KCTD8: variants seen among roughly 807,000 people sequenced by gnomAD.
KCTD8 encodes the protein potassium channel tetramerization domain containing 8.
KCTD8 carries 27 observed loss-of-function variants against 31.5 expected under a neutral mutation model. The observed-to-expected ratio is 0.86, with a 90% CI of 0.63 to 1.18. KCTD8 has a LOEUF of 1.18. Among genes scored for constraint, KCTD8 ranks in the 50% most tolerant of loss-of-function variants. The pLI, the probability that KCTD8 is intolerant of heterozygous loss-of-function variation, is 0.00. For synonymous variants in KCTD8, 290 were observed against 280.0 expected (o/e 1.04, Z -0.36); for missense variants, 658 against 647.7 (o/e 1.02, Z -0.17).
intron 1 of KCTD8, among the ~76,000 whole-genome samples, chr4:44,311,517 T>G (rs1009905331): frequency 6.6e-6 from 1 of 152,048 alleles, no homozygotes; most frequent in Non-Finnish European, 1.5e-5. Context: ...ATTCAAGTCA[T>G]CAGCAGATGC....
At chr4:44,209,643 C>T (rs898059551) in intron 1 of KCTD8, among the ~76,000 whole-genome samples, 1 of 151,976 alleles carries the variant, frequency 6.6e-6, no homozygotes, top group African/African-American at 2.4e-5. Context: ...ATTCATTGAG[C>T]TTGTTCTACT....
chr4:44,208,847 T>C (rs2109342579), intron 1 of KCTD8, among the ~76,000 whole-genome samples: 1 of 152,260 alleles, frequency 6.6e-6, no homozygotes, highest in East Asian at 1.9e-4. Context: ...GCAATGCTTG[T>C]TGGCTCTGAC....
intron 1 of KCTD8, among the ~76,000 whole-genome samples, chr4:44,346,113 C>G (rs1311842179): frequency 6.6e-6 from 1 of 152,160 alleles, no homozygotes; most frequent in Non-Finnish European, 1.5e-5. Flanking sequence ...AATAGCTGAT[C>G]AGACTTAGAG....
intron 1 of KCTD8, among the ~76,000 whole-genome samples, chr4:44,376,927 G>A (rs1232046688): frequency 6.6e-6 from 1 of 152,152 alleles, no homozygotes; most frequent in Non-Finnish European, 1.5e-5. Context: ...CACTGGGTTG[G>A]TTGAGTACAT....
intron 1 of KCTD8, among the ~76,000 whole-genome samples, chr4:44,404,971 A>G (rs1359881049): frequency 6.6e-6 from 1 of 152,126 alleles, no homozygotes; most frequent in African/African-American, 2.4e-5. Flanking sequence ...GTTTCTTTGG[A>G]CAAAGCTACT....
chr4:44,269,320 G>A (rs1387728398), intron 1 of KCTD8, among the ~76,000 whole-genome samples: 1 of 152,090 alleles, frequency 6.6e-6, no homozygotes, highest in Non-Finnish European at 1.5e-5. Flanking sequence ...ATGGTGCTGG[G>A]AAAACTGGCT....
chr4:44,262,328 T>G (rs185949121), intron 1 of KCTD8, among the ~76,000 whole-genome samples: 271 of 152,078 alleles, frequency 1.8e-3, no homozygotes, highest in Non-Finnish European at 3.1e-3. Flanking sequence ...GGACCCATTG[T>G]GAGAGAGATA....
chr4:44,312,783 AGTTT>A (rs931214663), intron 1 of KCTD8, among the ~76,000 whole-genome samples: 15 of 152,240 alleles, frequency 9.9e-5, no homozygotes, highest in Admixed American at 3.3e-4. Context: ...TGGGAAAACA[AGTTT>A]GTTTGATGAT....
In KCTD8 at chr4:44,283,294, C is replaced by T. The variant is rs553764930; in HGVS notation, c.962-108044G>A. 1.4e-3 allele frequency among the ~76,000 whole-genome samples: 206 copies of T among 151,990 alleles called. 1 individual carries two copies. Among genetic ancestry groups the T allele is most frequent in the Non-Finnish European group, 2.5e-3 (173 of 68,002 alleles). On this transcript the variant is annotated intron_variant, in intron 1 of 1. Coordinates refer to ENST00000360029, the MANE Select transcript of KCTD8 (RefSeq NM_198353.3). Reference sequence around the variant, plus strand: ...CAAACTCCTGACCTCAGGTGATCTGCCCACTGTGGCCTCCCAAAGTGCTTG... The same window carrying T: ...CAAACTCCTGACCTCAGGTGATCTGTCCACTGTGGCCTCCCAAAGTGCTTG...
At chr4:44,298,603 G>A (rs1340629251) in intron 1 of KCTD8, among the ~76,000 whole-genome samples, 1 of 152,082 alleles carries the variant, frequency 6.6e-6, no homozygotes, top group East Asian at 1.9e-4. Flanking sequence ...TAGCTCCCTG[G>A]AGAAGGTCCC....
chr4:44,205,069 A>C (rs1714263624), intron 1 of KCTD8, among the ~76,000 whole-genome samples: 3 of 152,004 alleles, frequency 2.0e-5, no homozygotes, highest in Non-Finnish European at 4.4e-5. Flanking sequence ...TACTAGAATA[A>C]TACCATAAAG....
chr4:44,180,014 T>C (rs550622274), intron 1 of KCTD8, among the ~76,000 whole-genome samples: 112 of 152,314 alleles, frequency 7.4e-4, no homozygotes, highest in Non-Finnish European at 1.1e-3. Flanking sequence ...CTTGACATGC[T>C]TTAAGCACCA....
At position 44,199,843 on chromosome 4, in the gene KCTD8, C is replaced by A. The variant is rs180721774; in HGVS notation, c.962-24593G>T. Among the ~76,000 whole-genome samples, 928 of 151,608 alleles carry A rather than the reference C, an allele frequency of 6.1e-3. 12 individuals are homozygous for A. Among genetic ancestry groups the A allele is most frequent in the African/African-American group, 0.021 (865 of 41,396 alleles). ...TGAAACTGAGATGCAAAAGACCATA[C>A]AAAAGATCAATGAAACCGAGACTTG... On this transcript the variant is annotated intron_variant, in intron 1 of 1. Coordinates refer to ENST00000360029, the MANE Select transcript of KCTD8 (RefSeq NM_198353.3).
intron 1 of KCTD8, among the ~76,000 whole-genome samples, chr4:44,326,053 A>G (rs1304119679): frequency 1.3e-5 from 2 of 151,960 alleles, no homozygotes; most frequent in African/African-American, 2.4e-5. Flanking sequence ...AGTACTCTAA[A>G]ATGTTGTGTG....
chr4:44,342,428 G>A (rs1473577711), intron 1 of KCTD8, among the ~76,000 whole-genome samples: 1 of 151,822 alleles, frequency 6.6e-6, no homozygotes, highest in Non-Finnish European at 1.5e-5. Flanking sequence ...CTCGACAGTG[G>A]GCTTACAATA....
At chr4:44,375,694 C>G (rs1288436922) in intron 1 of KCTD8, among the ~76,000 whole-genome samples, 2 of 152,162 alleles carry the variant, frequency 1.3e-5, no homozygotes, top group African/African-American at 4.8e-5. Context: ...TCTATAAAAA[C>G]TGGCTTCCTG....
chr4:44,205,713 C>T (rs555734525), intron 1 of KCTD8, among the ~76,000 whole-genome samples: 3 of 152,284 alleles, frequency 2.0e-5, no homozygotes, highest in Non-Finnish European at 4.4e-5. Flanking sequence ...TCTAACCCAA[C>T]TGAGACATAA....
chr4:44,321,973 TACA>T (rs1232325300), intron 1 of KCTD8, among the ~76,000 whole-genome samples: 3 of 152,182 alleles, frequency 2.0e-5, no homozygotes, highest in African/African-American at 7.2e-5. Flanking sequence ...TGTGCATATA[TACA>T]ACATTTTCTT....
chr4:44,240,533 G>C (rs1421469912), intron 1 of KCTD8, among the ~76,000 whole-genome samples: 2 of 152,124 alleles, frequency 1.3e-5, no homozygotes, highest in African/African-American at 2.4e-5. Context: ...ACGAGGTCTC[G>C]ATATGTTGTT....
Sources: gnomAD v4.1 joint callset for allele counts (sites outside exome capture counted in the v4.1 genomes callset) on GRCh38, gnomAD v4.1.1 for gene constraint, MANE v1.5 for transcripts, NCBI Gene and HGNC (gene_info 2026-07-23, HGNC 2026-07-21) for gene names.